The following TRERF1 variants were observed in gnomAD, a reference collection of about 807,000 sequenced individuals.
The protein encoded by TRERF1 is transcriptional-regulating factor 1.
In TRERF1, 27 loss-of-function variants were observed where a neutral mutation model predicts 122.9. The observed-to-expected ratio is 0.22, with a 90% CI of 0.16 to 0.30. TRERF1 has a LOEUF of 0.30. Ranked by LOEUF, TRERF1 falls within the 10% of genes least tolerant of loss-of-function variation. The pLI, the probability that TRERF1 is intolerant of heterozygous loss-of-function variation, is 1.00. For synonymous variants in TRERF1, 636 were observed against 641.7 expected, an observed-to-expected ratio of 0.99 and a Z score of 0.13; for missense variants, 1,248 against 1,560.3, an observed-to-expected ratio of 0.80 and a Z score of 3.37.
intron 15 of TRERF1, 70 bp from the exon 16 acceptor site, chr6:42,236,481 A>C (rs1451391341): frequency 2.4e-5 from 36 of 1,515,200 alleles, no homozygotes; most frequent in Non-Finnish European, 3.1e-5. Flanking sequence ...AACAGAACTC[A>C]CAGATCAACA....
rs1781109707 is a variant in TRERF1 at position 42,276,190 on chromosome 6, T to G, written c.-258-6342A>C. ...ACAAGGCCGCAGTCTGCAAGAAGGA[T>G]ATCTGTCCTAAGGGCCACCCTTTGA... is the stretch of plus-strand genomic sequence containing the variant. On this transcript the variant is annotated intron_variant, in intron 4 of 17. Coordinates refer to ENST00000372922, the Ensembl canonical transcript of TRERF1. The surrounding 1 kb of genome is among the most constrained non-coding windows in gnomAD (Gnocchi z 4.3). 6.6e-6 allele frequency among the ~76,000 whole-genome samples: 1 copy of G among 152,122 alleles called. No homozygotes were observed. The highest frequency in any genetic ancestry group is 6.5e-5 in the Admixed American group (1 of 15,280).
chr6:42,278,240 C>T lies in TRERF1; in HGVS notation c.-258-8392G>A, dbSNP rs145600481. 5.1e-3 allele frequency among the ~76,000 whole-genome samples: 777 copies of T among 152,274 alleles called. 12 individuals carry two copies. Among genetic ancestry groups the T allele is most frequent in the African/African-American group, 0.017 (716 of 41,550 alleles). ...GACGACTGTTTAGGGGGCAAATGCACGCAGTGTAGAGACCAATGTGGTCTC... is the reference window on the plus strand; with the variant it reads ...GACGACTGTTTAGGGGGCAAATGCATGCAGTGTAGAGACCAATGTGGTCTC... On this transcript the variant is annotated intron_variant, in intron 4 of 17. Coordinates refer to ENST00000372922, the Ensembl canonical transcript of TRERF1.
chr6:42,264,490 G>A (rs560052677), intron 7 of TRERF1, among the ~76,000 whole-genome samples: 1 of 152,362 alleles, frequency 6.6e-6, no homozygotes, highest in African/African-American at 2.4e-5. Context: ...GCTTTCTAGC[G>A]CCTCTGATTT....
Position 42,232,646 on chromosome 6 carries a change from G to T in TRERF1, c.3278+35C>A, listed in dbSNP as rs747768477. The T allele has an allele frequency of 3.2e-6, 5 of 1,544,342 alleles. No homozygotes were observed. In the South Asian group the frequency reaches 6.1e-5, roughly 19 times the overall value. ...CTCCCATAGAGCGACTACCCATCAT[G>T]AACTCAGATTCAGTCCCCGGTCCCC... is the stretch of plus-strand genomic sequence containing the variant. On this transcript the variant is annotated intron_variant, in intron 17 of 17. Coordinates refer to ENST00000372922, the Ensembl canonical transcript of TRERF1. The surrounding 1 kb of genome is among the most constrained non-coding windows in gnomAD (Gnocchi z 4.5).
At chr6:42,289,700 G>A (rs891482125) in intron 4 of TRERF1, among the ~76,000 whole-genome samples, 1 of 152,178 alleles carries the variant, frequency 6.6e-6, no homozygotes, top group Admixed American at 6.5e-5. Context: ...ATCTGTAAAA[G>A]CAGCTCAAGG....
chr6:42,305,441 TGA>T (rs1442943071), intron 3 of TRERF1, among the ~76,000 whole-genome samples: 2 of 152,124 alleles, frequency 1.3e-5, no homozygotes, highest in Non-Finnish European at 2.9e-5. Flanking sequence ...CACTGCTGTC[TGA>T]GTTAAGGGAG....
At chr6:42,347,581 G>C (rs73733152) in intron 3 of TRERF1, among the ~76,000 whole-genome samples, 4 of 152,096 alleles carry the variant, frequency 2.6e-5, no homozygotes, top group South Asian at 4.2e-4. Context: ...TGGTCATGTC[G>C]GAGACCTCAG....
At chr6:42,369,761 C>T (rs1312548889) in intron 2 of TRERF1, among the ~76,000 whole-genome samples, 2 of 152,148 alleles carry the variant, frequency 1.3e-5, no homozygotes, top group Non-Finnish European at 2.9e-5. Flanking sequence ...CTGGCCCAGT[C>T]TCCACCCAGG....
chr6:42,337,659 G>A (rs1357838226), intron 3 of TRERF1, among the ~76,000 whole-genome samples: 1 of 152,184 alleles, frequency 6.6e-6, no homozygotes, highest in Non-Finnish European at 1.5e-5. Context: ...CATGGCCTCT[G>A]AGCAGAGCCT....
chr6:42,266,174 C>G (rs1438669490), intron 5 of TRERF1, among the ~76,000 whole-genome samples: 1 of 150,598 alleles, frequency 6.6e-6, no homozygotes, highest in African/African-American at 2.4e-5. Context: ...GCCAGGAGAC[C>G]CCCTGATGGA....
At chr6:42,279,404 G>A (rs1286972728) in intron 4 of TRERF1, among the ~76,000 whole-genome samples, 3 of 152,214 alleles carry the variant, frequency 2.0e-5, no homozygotes, top group Non-Finnish European at 4.4e-5. Context: ...GCAGGGCTGG[G>A]AGAATGGGAG....
chr6:42,438,958 A>G (rs142274850), intron 2 of TRERF1, among the ~76,000 whole-genome samples: 74 of 152,246 alleles, frequency 4.9e-4, no homozygotes, highest in African/African-American at 1.7e-3. Context: ...CAGAGTGGAG[A>G]GTGGAAAGGG....
intron 2 of TRERF1, among the ~76,000 whole-genome samples, chr6:42,364,819 G>A (rs1021618361): frequency 1.3e-5 from 2 of 152,200 alleles, no homozygotes; most frequent in Non-Finnish European, 2.9e-5. Flanking sequence ...TGTAAGGGGA[G>A]GAGAAAAGAG....
chr6:42,404,043 C>T (rs753631865), intron 2 of TRERF1, among the ~76,000 whole-genome samples: 1 of 152,092 alleles, frequency 6.6e-6, no homozygotes, highest in Non-Finnish European at 1.5e-5. Context: ...CACCACTCTG[C>T]CTGACCCCAC....
At chr6:42,231,827 C>A (rs926343287) in intron 17 of TRERF1, among the ~76,000 whole-genome samples, 1 of 152,152 alleles carries the variant, frequency 6.6e-6, no homozygotes, top group Non-Finnish European at 1.5e-5. Context: ...TGCATTCGGA[C>A]AAAACTGGGT....
chr6:42,408,229 GTGTGTGTGTATGTATATATACATACACA>G (rs1311075188), intron 2 of TRERF1, among the ~76,000 whole-genome samples: 20,138 of 90,048 alleles, frequency 0.22, 2,283 homozygotes, highest in East Asian at 0.29. Flanking sequence ...ATATATATAT[GTGTGTGTGTATGTATATATACATACACA>G]TGTGTGTGTA....
At chr6:42,352,762 T>C (rs937371392) in intron 3 of TRERF1, among the ~76,000 whole-genome samples, 34 of 152,164 alleles carry the variant, frequency 2.2e-4, no homozygotes, top group Admixed American at 1.8e-3. Flanking sequence ...CACTTAGTTA[T>C]AAAATATGAA....
intron 3 of TRERF1, among the ~76,000 whole-genome samples, chr6:42,345,367 A>T (rs1995870): frequency 0.095 from 14,456 of 152,248 alleles, 1,054 homozygotes; most frequent in African/African-American, 0.2. Context: ...TTGGTTACAG[A>T]GGACCCGAGC....
At position 42,277,483 on chromosome 6, in the gene TRERF1, G is replaced by C. The variant is rs149867088; in HGVS notation, c.-258-7635C>G. On this transcript the variant is annotated intron_variant, in intron 4 of 17. Transcript: ENST00000372922. ...AAAGATACAGGTTTGTCCCGCAGCA[G>C]TCCTGACATGGCTAGGATTGTAGGG... 1.0e-3 allele frequency among the ~76,000 whole-genome samples: 159 copies of C among 152,310 alleles called. 1 individual carries two copies. The highest frequency in any genetic ancestry group is 3.6e-3 in the African/African-American group (151 of 41,552).
Sources: allele counts gnomAD v4.1 joint callset (sites outside exome capture counted in the v4.1 genomes callset), GRCh38; gene constraint gnomAD v4.1.1; non-coding constraint Gnocchi (gnomAD v3.1); transcripts MANE v1.5; gene names NCBI Gene and HGNC (gene_info 2026-07-23, HGNC 2026-07-21).